HSPA13: variants seen among roughly 807,000 people sequenced by gnomAD.
HSPA13 encodes heat shock protein family A (Hsp70) member 13, also known as heat shock 70 kDa protein 13.
A neutral mutation model predicts 38.8 loss-of-function variants in HSPA13; 29 were observed. That is an observed-to-expected ratio of 0.75 (90% CI 0.56 to 1.02). HSPA13 has a LOEUF of 1.02. Among genes scored for constraint, HSPA13 ranks in the 50% least tolerant of loss-of-function variants. HSPA13 has a pLI of 0.00. For missense variants in HSPA13, 451 were observed against 560.9 expected (o/e 0.80, Z 1.98); for synonymous variants, 192 against 205.3 (o/e 0.94, Z 0.56).
At chr21:14,379,996 G>A (rs1984126193) in intron 2 of HSPA13, among the ~76,000 whole-genome samples, 1 of 150,616 alleles carries the variant, frequency 6.6e-6, no homozygotes. Context: ...CTGAGAGACA[G>A]AATGAGACTG....
intron 4 of HSPA13, among the ~76,000 whole-genome samples, chr21:14,375,305 T>A (rs1246106095): frequency 1.3e-5 from 2 of 152,154 alleles, no homozygotes; most frequent in Non-Finnish European, 2.9e-5. Context: ...ACTTATAGGA[T>A]GCCCAGCATT....
chr21:14,377,819 C>T (rs1416340610), intron 3 of HSPA13, among the ~76,000 whole-genome samples: 2 of 152,216 alleles, frequency 1.3e-5, no homozygotes, highest in Admixed American at 1.3e-4. Flanking sequence ...AGTTCTTTAG[C>T]TTTTGGACTC....
intron 1 of HSPA13, among the ~76,000 whole-genome samples, 166 bp downstream of exon 1, chr21:14,382,929 C>T (rs923798505): frequency 3.9e-5 from 6 of 152,062 alleles, no homozygotes; most frequent in Admixed American, 1.3e-4. Flanking sequence ...GGCGTCCCCG[C>T]CCCCATCCAC....
Position 14,381,307 on chromosome 21 carries a change from C to A in HSPA13, c.262G>T (p.Ala88Ser). 1 of 1,614,068 alleles carries A rather than the reference C, an allele frequency of 6.2e-7. No homozygotes were observed. The highest frequency in any genetic ancestry group is 1.1e-5 in the South Asian group (1 of 91,072). Reference protein sequence around the residue: ...VYVGYESVELADSNPQNTIYD... With the variant: ...VYVGYESVELSDSNPQNTIYD... Reference sequence around the variant, plus strand: ...ATTGTGTTTTGAGGATTTGAATCTGCCAGCTCTACGCTTTCATATCCCACA... The same window carrying A: ...ATTGTGTTTTGAGGATTTGAATCTGACAGCTCTACGCTTTCATATCCCACA... The change falls in exon 2 of 5, where the codon GCA becomes TCA. Residue 88 changes from alanine to serine, a missense_variant. Coordinates refer to ENST00000285667, the MANE Select transcript of HSPA13 (RefSeq NM_006948.5).
In HSPA13 at chr21:14,383,106, A is replaced by C; in HGVS notation, c.14T>G (p.Met5Arg). 1 of 1,613,970 alleles carries C rather than the reference A, an allele frequency of 6.2e-7. No individual in the cohort carries two copies. Among genetic ancestry groups the C allele is most frequent in the Non-Finnish European group, 8.5e-7 (1 of 1,179,976 alleles). The change falls in exon 1 of 5, where the codon ATG becomes AGG. Residue 5 changes from methionine to arginine, a missense_variant. Transcript: ENST00000285667. MARE[M>R]TILGSAVLTL... is the part of the protein sequence containing the mutation. ...CCCCGGGAACCCACCTAAGATCGTC[A>C]TCTCTCTGGCCATCACAGTCCCGCC...
intron 2 of HSPA13, among the ~76,000 whole-genome samples, chr21:14,378,895 G>A (rs968354554): frequency 9.9e-5 from 15 of 151,920 alleles, no homozygotes; most frequent in African/African-American, 3.6e-4. Flanking sequence ...TGGGATTACA[G>A]GTGAAAGCCA....
rs546489294 is a variant in HSPA13, at chr21:14,377,437, T to A, written c.580+762A>T. On this transcript the variant is annotated intron_variant, in intron 3 of 4. Transcript: ENST00000285667. ...CTCTTTGAGCCTTTGTCCTGTAGCA[T>A]CTGATTGGTTCTTGTTAAATACATA... is the stretch of plus-strand genomic sequence containing the variant. Among the ~76,000 whole-genome samples the A allele has an allele frequency of 2.6e-5, 4 of 152,356 alleles. No individual in the cohort carries two copies. The East Asian group carries it at 5.8e-4, about 22-fold the overall frequency.
chr21:14,375,110 T>C (rs537712244), intron 4 of HSPA13, among the ~76,000 whole-genome samples: 19 of 152,214 alleles, frequency 1.2e-4, no homozygotes, highest in South Asian at 2.1e-4. Context: ...TATCATTTCC[T>C]AGGGAAAAAT....
At chr21:14,379,711 TGCAG>T (rs1984118182) in intron 2 of HSPA13, among the ~76,000 whole-genome samples, 1 of 152,118 alleles carries the variant, frequency 6.6e-6, no homozygotes, top group South Asian at 2.1e-4. Flanking sequence ...ACCTAAGAAA[TGCAG>T]GGAGCAATTT....
chr21:14,382,434 T>TA (rs1263867769), intron 1 of HSPA13, among the ~76,000 whole-genome samples: 1 of 152,200 alleles, frequency 6.6e-6, no homozygotes, highest in Non-Finnish European at 1.5e-5. Context: ...GAGGCTGTGT[T>TA]ATACACCTGT....
chr21:14,376,265 G>T (rs1285599849), intron 3 of HSPA13, among the ~76,000 whole-genome samples: 4 of 151,978 alleles, frequency 2.6e-5, no homozygotes, highest in East Asian at 1.9e-4. Flanking sequence ...TATAAAAAAT[G>T]AGCCGGGCGT....
Position 14,374,264 on chromosome 21 carries a change from G to C in HSPA13, c.769C>G (p.Gln257Glu). 1.2e-6 allele frequency: 2 copies of C among 1,607,360 alleles called. No homozygotes were observed. Among genetic ancestry groups the C allele is most frequent in the Non-Finnish European group, 1.7e-6 (2 of 1,178,066 alleles). ...AMSGNNKLGGQDFNQRLLQYL... is the reference protein window; with the variant it reads ...AMSGNNKLGGEDFNQRLLQYL... ...TGAAGCAATCTCTGATTGAAGTCCT[G>C]TCCTCCAAGTTTATTGTTTCCTGAG... is the stretch of plus-strand genomic sequence containing the variant. The change falls in exon 5 of 5, where the codon CAG becomes GAG. Residue 257 changes from glutamine to glutamate, a missense_variant. Gln to Glu is a conservative substitution (Grantham distance 29). Coordinates refer to ENST00000285667, the MANE Select transcript of HSPA13 (RefSeq NM_006948.5).
chr21:14,376,177 C>T (rs112633744), intron 3 of HSPA13, among the ~76,000 whole-genome samples: 6 of 152,160 alleles, frequency 3.9e-5, no homozygotes, highest in East Asian at 1.9e-4. Context: ...ATCATTATGC[C>T]GAGGTGGGCG....
rs375770065 is a variant in HSPA13, at chr21:14,381,380, C to G, written c.189G>C (p.Gly63=). The change falls in exon 2 of 5, where the codon GGG becomes GGC. Residue 63 remains glycine (G), a synonymous_variant. Coordinates refer to ENST00000285667, the MANE Select transcript of HSPA13 (RefSeq NM_006948.5). ...GKVKVIPDEN[G]HISIPSMVSF... ...ACACCATGCTGGGTATGCTGATATG[C>G]CCATTTTCATCTGGAATCACCTTTA... The G allele has an allele frequency of 2.0e-5, 32 of 1,613,966 alleles. No homozygotes were observed. Among genetic ancestry groups the G allele is most frequent in the Non-Finnish European group, 2.5e-5 (30 of 1,180,014 alleles).
chr21:14,376,639 A>T (rs1483414225), intron 3 of HSPA13, among the ~76,000 whole-genome samples: 3 of 151,970 alleles, frequency 2.0e-5, no homozygotes, highest in Non-Finnish European at 4.4e-5. Flanking sequence ...AGATCATAAC[A>T]CCCTTCACTT....
chr21:14,381,457 G>T lies in HSPA13; in HGVS notation c.112C>A (p.Leu38Ile). 1.9e-6 allele frequency: 3 copies of T among 1,614,114 alleles called. No individual in the cohort carries two copies. The highest frequency in any genetic ancestry group is 2.5e-6 in the Non-Finnish European group (3 of 1,180,000). ...LPTPKVIGID[L>I]GTTYCSVGVF... ...CCAACAGAACAATAGGTGGTGCCAAGATCAATACCAATCACTTTAGGAGTA... is the reference window on the plus strand; with the variant it reads ...CCAACAGAACAATAGGTGGTGCCAATATCAATACCAATCACTTTAGGAGTA... Residue 38 changes from leucine to isoleucine, a missense_variant, in exon 2 of 5, where the codon CTT (leucine) becomes ATT (isoleucine). Transcript: ENST00000285667.
In HSPA13 at chr21:14,377,935, C is replaced by T. The variant is rs142218843; in HGVS notation, c.580+264G>A. The stretch of plus-strand genomic sequence containing the variant: ...TTTGAGGTTTTGGGACTCAGACTGG[C>T]TTCCTTGCTCCTCAGCTTGCAGCCA... On this transcript the variant is annotated intron_variant, in intron 3 of 4. Transcript: ENST00000285667. 8.8e-3 allele frequency among the ~76,000 whole-genome samples: 1,347 copies of T among 152,340 alleles called. 22 individuals carry two copies. Among genetic ancestry groups the T allele is most frequent in the African/African-American group, 0.031 (1,278 of 41,556 alleles).
intron 3 of HSPA13, among the ~76,000 whole-genome samples, chr21:14,377,347 T>C (rs1319940296): frequency 6.6e-6 from 1 of 152,228 alleles, no homozygotes; most frequent in Non-Finnish European, 1.5e-5. Flanking sequence ...TAAAAAATTA[T>C]ATTCACCTTA....
At chr21:14,377,888 C>G (rs1984067542) in intron 3 of HSPA13, among the ~76,000 whole-genome samples, 1 of 152,262 alleles carries the variant, frequency 6.6e-6, no homozygotes, top group South Asian at 2.1e-4. Flanking sequence ...AGACTAAAAG[C>G]TGCACAGTTG....
Sources: gnomAD v4.1 joint callset for allele counts (sites outside exome capture counted in the v4.1 genomes callset) on GRCh38, gnomAD v4.1.1 for gene constraint, MANE v1.5 for transcripts, NCBI Gene and HGNC (gene_info 2026-07-23, HGNC 2026-07-21) for gene names.